The following SLC15A3 variants were observed in gnomAD, a reference collection of about 807,000 sequenced individuals.
The protein encoded by SLC15A3 is solute carrier family 15 member 3.
Under a neutral mutation model 49.2 loss-of-function variants are expected in SLC15A3, and 39 were observed. That is an observed-to-expected ratio of 0.79 (90% CI 0.61 to 1.04). SLC15A3 has a LOEUF of 1.04. Ranked by LOEUF, SLC15A3 falls within the 50% of genes least tolerant of loss-of-function variation. SLC15A3 has a pLI of 0.00. For synonymous variants in SLC15A3, 339 were observed against 367.0 expected, an observed-to-expected ratio of 0.92 and a Z score of 0.87; for missense variants, 758 against 794.8, an observed-to-expected ratio of 0.95 and a Z score of 0.56.
intron 7 of SLC15A3, chr11:60,937,631 A>T: frequency 1.5e-6 from 1 of 682,920 alleles, no homozygotes; most frequent in Non-Finnish European, 2.5e-6. Flanking sequence ...CAGAGATGGC[A>T]GAGTTCCAGA....
intron 1 of SLC15A3, among the ~76,000 whole-genome samples, chr11:60,949,522 A>G (rs967031179): frequency 1.3e-5 from 1 of 74,592 alleles, no homozygotes; most frequent in Non-Finnish European, 3.6e-5. Context: ...GAAAGAAAGA[A>G]AGAAAGAAAG....
chr11:60,937,109 A>G lies in SLC15A3; in HGVS notation c.*110T>C. ...TCGTGAGGAAGGGCTCATGCCCCTT[A>G]TTTATGGGAACCATTTCATTCTAAC... On this transcript the variant is annotated 3_prime_UTR_variant, in exon 8 of 8. Coordinates refer to ENST00000227880, the MANE Select transcript of SLC15A3 (RefSeq NM_016582.3). 6.8e-7 allele frequency: 1 copy of G among 1,480,326 alleles called. No homozygotes were observed. The highest frequency in any genetic ancestry group is 9.0e-7 in the Non-Finnish European group (1 of 1,108,604). The allele number at this position is 1,480,326 out of a possible 1,614,324, so 91.7% of individuals were successfully genotyped here.
intron 1 of SLC15A3, among the ~76,000 whole-genome samples, chr11:60,950,207 T>C (rs998341721): frequency 6.6e-6 from 1 of 152,222 alleles, no homozygotes; most frequent in South Asian, 2.1e-4. Context: ...CAAGTCGGCC[T>C]GACAGCCTCT....
At chr11:60,942,894 C>T (rs1856736208) in intron 3 of SLC15A3, 1 of 151,992 alleles carries the variant, frequency 6.6e-6, no homozygotes, top group East Asian at 1.9e-4. Context: ...AGGCAATGAC[C>T]TTATGGCCTG....
At chr11:60,938,114 C>A in intron 6 of SLC15A3, 89 bp from the exon 7 acceptor site, 5 of 1,454,970 alleles carry the variant, frequency 3.4e-6, no homozygotes, top group Non-Finnish European at 4.6e-6. Context: ...TGACCCTGCC[C>A]CCACCAAGCC....
Position 60,951,661 on chromosome 11 carries a change from G to T in SLC15A3, c.-110C>A. The T allele has an allele frequency of 1.2e-6, 1 of 869,220 alleles. No homozygotes were observed. The highest frequency in any genetic ancestry group is 1.4e-6 in the Non-Finnish European group (1 of 720,912). 53.8% of individuals were successfully genotyped at this position (869,220 alleles called of 1,614,324 possible). The stretch of plus-strand genomic sequence containing the variant: ...GGCCCTCTCCCCCACCCAACTGGCT[G>T]GCCCTCCTTTCTCACCGCTTTGGCC... On this transcript the variant is annotated 5_prime_UTR_variant, in exon 1 of 8. Transcript: ENST00000227880.
chr11:60,943,743 C>T lies in SLC15A3; in HGVS notation c.942G>A (p.Val314=), dbSNP rs757418445. The T allele has an allele frequency of 6.2e-7, 1 of 1,606,028 alleles. No individual in the cohort carries two copies. Among genetic ancestry groups the T allele is most frequent in the South Asian group, 1.1e-5 (1 of 89,586 alleles). The change falls in exon 3 of 8, where the codon GTG becomes GTA. Residue 314 remains valine (V), a synonymous_variant. Coordinates refer to ENST00000227880, the MANE Select transcript of SLC15A3 (RefSeq NM_016582.3). ...QEDIANFQVL[V]KILPVMVTLV... ...GGGTCACCATGACGGGCAAGATCTT[C>T]ACCAGCACCTGGAAGTTGGCGATGT... is the stretch of plus-strand genomic sequence containing the variant.
At chr11:60,950,927 C>T (rs529841343) in intron 1 of SLC15A3, 67 bp downstream of exon 1, 291 of 1,368,656 alleles carry the variant, frequency 2.1e-4, no homozygotes, top group Non-Finnish European at 2.3e-4. Context: ...CCAGGTCACG[C>T]TGGGGGCCAG....
chr11:60,941,226 T>C lies in SLC15A3; in HGVS notation c.1172A>G (p.Asp391Gly), dbSNP rs754535131. 17 of 1,614,012 alleles carry C rather than the reference T, an allele frequency of 1.1e-5. No individual in the cohort carries two copies. Among genetic ancestry groups the C allele is most frequent in the Non-Finnish European group, 1.4e-5 (17 of 1,180,020 alleles). ...VVVLILVPLK[D>G]RLIDPLLLRC... ...CAGCAGTAAAGGGTCGATCAAGCGG[T>C]CCTTCAGAGGGACCAGAATCAGCAC... Residue 391 changes from aspartate to glycine, a missense_variant, in exon 5 of 8, where the codon GAC becomes GGC. Physicochemically the swap from Asp to Gly is moderately conservative, Grantham distance 94. Around this residue, in one of 3 missense-constraint regions of SLC15A3, gnomAD observed 699 missense variants for 706.7 expected, o/e 0.99. Transcript: ENST00000227880.
chr11:60,938,073 A>G, intron 6 of SLC15A3, 48 bp from the exon 7 acceptor site: 1 of 1,595,330 alleles, frequency 6.3e-7, no homozygotes, highest in Non-Finnish European at 8.5e-7. Context: ...GCAGGCGCAG[A>G]GAACAGGCCC....
intron 3 of SLC15A3, 71 bp from the exon 4 acceptor site, chr11:60,942,216 C>T: frequency 1.5e-6 from 2 of 1,303,140 alleles, no homozygotes; most frequent in Admixed American, 1.7e-5. Context: ...AGGTGGCATT[C>T]CTCAGCGCCG....
At chr11:60,944,841 ACCCTTTG>A (rs950426073) in intron 2 of SLC15A3, among the ~76,000 whole-genome samples, 1 of 152,022 alleles carries the variant, frequency 6.6e-6, no homozygotes, top group Non-Finnish European at 1.5e-5. Flanking sequence ...TGCAGCCTTT[ACCCTTTG>A]CCCTTTGCCC....
Position 60,937,336 on chromosome 11 carries a change from G to A in SLC15A3, c.1629C>T (p.Phe543=), listed in dbSNP as rs1396805472. 4 of 1,614,172 alleles carry A rather than the reference G, an allele frequency of 2.5e-6. No homozygotes were observed. Among genetic ancestry groups the A allele is most frequent in the African/African-American group, 1.3e-5 (1 of 75,050 alleles). The change falls in exon 8 of 8, where the codon TTC becomes TTT. Residue 543 remains phenylalanine, a synonymous_variant. Transcript: ENST00000227880. ...TGACGGCCTGAATGCCAGCCAGCAG[G>A]AAGAAGTAGAGGTCCATCCGGCAAT... ...INNCRMDLYF[F]LLAGIQAVTA... is the part of the protein sequence containing the mutation.
intron 7 of SLC15A3, chr11:60,937,609 TA>T: frequency 1.4e-6 from 1 of 702,630 alleles, no homozygotes; most frequent in South Asian, 1.7e-5. Flanking sequence ...ATGAGAAAGG[TA>T]ACCCTTCAGC....
At chr11:60,948,329 A>G (rs549130752) in intron 1 of SLC15A3, among the ~76,000 whole-genome samples, 2 of 152,342 alleles carry the variant, frequency 1.3e-5, no homozygotes, top group African/African-American at 2.4e-5. Context: ...ATTAATTGGA[A>G]GTAAATGAAT....
At chr11:60,946,958 A>C in intron 1 of SLC15A3, 137 bp from the exon 2 acceptor site, 1 of 893,706 alleles carries the variant, frequency 1.1e-6, no homozygotes, top group Non-Finnish European at 1.7e-6. Flanking sequence ...GTCTCTGATC[A>C]CAAACAGATG....
chr11:60,941,212 G>A lies in SLC15A3; in HGVS notation c.1186C>T (p.Pro396Ser), dbSNP rs558966830. The change falls in exon 5 of 8, where the codon CCT (proline) becomes TCT (serine). Residue 396 changes from proline (P) to serine (S), a missense_variant. Around this residue, in one of 3 missense-constraint regions of SLC15A3, gnomAD observed 699 missense variants for 706.7 expected, o/e 0.99. Coordinates refer to ENST00000227880, the MANE Select transcript of SLC15A3 (RefSeq NM_016582.3). ...AGCAGCTTGCACCGCAGCAGTAAAG[G>A]GTCGATCAAGCGGTCCTTCAGAGGG... Reference protein sequence around the residue: ...LVPLKDRLIDPLLLRCKLLPS... With the variant: ...LVPLKDRLIDSLLLRCKLLPS... 5 of 1,614,146 alleles carry A rather than the reference G, an allele frequency of 3.1e-6. No homozygotes were observed. In the African/African-American group the frequency reaches 4.0e-5, roughly 13 times the overall value.
Position 60,943,877 on chromosome 11 carries a change from G to C in SLC15A3, c.849-41C>G, listed in dbSNP as rs1043145507. ...GGCAGCAGATAAAACAACAGTCAAG[G>C]CTGGGCTTGGTGGCTTATGCCTGTA... On this transcript the variant is annotated intron_variant, in intron 2 of 7. Coordinates refer to ENST00000227880, the MANE Select transcript of SLC15A3 (RefSeq NM_016582.3). 4.8e-6 allele frequency: 7 copies of C among 1,455,024 alleles called. No homozygotes were observed. In the South Asian group the frequency reaches 8.8e-5, roughly 18 times the overall value. 90.1% of individuals were successfully genotyped at this position (1,455,024 alleles called of 1,614,324 possible). A position where few individuals can be genotyped will look rare whatever the true frequency, so the allele number is the denominator to read the frequency against.
At position 60,951,445 on chromosome 11, in the gene SLC15A3, G is replaced by C. The variant is rs757404115; in HGVS notation, c.107C>G (p.Ala36Gly). Residue 36 changes from alanine to glycine, a missense_variant, in exon 1 of 8, where the codon GCG becomes GGG. Ala to Gly is a moderately conservative substitution (Grantham distance 60). Around this residue, in one of 3 missense-constraint regions of SLC15A3, gnomAD observed 31 missense variants for 58.4 expected, o/e 0.53. Coordinates refer to ENST00000227880, the MANE Select transcript of SLC15A3 (RefSeq NM_016582.3). ...CAGCATCTCCACCAGCAGCACGGCC[G>C]CGCCCGCCGCCCGCCGCCACCGTCG... is the stretch of plus-strand genomic sequence containing the variant. ...GPRRWRRAAG[A>G]AVLLVEMLER... is the part of the protein sequence containing the mutation. The C allele has an allele frequency of 2.8e-6, 4 of 1,440,826 alleles. No individual in the cohort carries two copies. The highest frequency in any genetic ancestry group is 2.7e-6 in the Non-Finnish European group (3 of 1,093,178). 89.3% of individuals were successfully genotyped at this position (1,440,826 alleles called of 1,614,324 possible). A position where few individuals can be genotyped will look rare whatever the true frequency, so the allele number is the denominator to read the frequency against.
Sources: allele counts gnomAD v4.1 joint callset (sites outside exome capture counted in the v4.1 genomes callset), GRCh38; gene constraint gnomAD v4.1.1; regional missense constraint gnomAD v4.1.1; transcripts MANE v1.5; gene names NCBI Gene and HGNC (gene_info 2026-07-23, HGNC 2026-07-21).